TNKS1BP1: variants seen among roughly 807,000 people sequenced by gnomAD.
TNKS1BP1 encodes the protein CCR4-NOT transcription complex subunit 12, also known as 182 kDa tankyrase-1-binding protein.
A neutral mutation model predicts 141.1 loss-of-function variants in TNKS1BP1; 48 were observed. The ratio of observed to expected loss-of-function variants is 0.34; its 90% CI spans 0.27 to 0.43. TNKS1BP1 has a LOEUF of 0.43. Ranked by LOEUF, TNKS1BP1 falls within the 20% of genes least tolerant of loss-of-function variation. TNKS1BP1 has a pLI of 1.00. For synonymous variants in TNKS1BP1, 875 were observed against 898.2 expected (o/e 0.97, Z 0.46); for missense variants, 2,149 against 2,226.0 (o/e 0.97, Z 0.70).
rs1332260157 is a variant in TNKS1BP1, at chr11:57,309,345, A to C, written c.3366T>G (p.Tyr1122Ter). The C allele has an allele frequency of 6.2e-7, 1 of 1,614,042 alleles. No homozygotes were observed. The highest frequency in any genetic ancestry group is 1.1e-5 in the South Asian group (1 of 91,078). Residue 1122 changes from tyrosine to a stop codon, truncating the protein, a stop_gained, in exon 6 of 12, where the codon TAT (tyrosine) becomes TAG (stop). Transcript: ENST00000358252. LOFTEE classifies it high-confidence loss of function. This position sits in a 1 kb window ranked among gnomAD's most constrained non-coding sequence, Gnocchi z 4.3. ...DFCIEASERS[Y>*]QFGIIGNDRV... Reference sequence around the variant, plus strand: ...TGTCGTTGCCAATGATGCCAAACTGATAGCTCCTCTCACTGGCCTCGATGC... The same window carrying C: ...TGTCGTTGCCAATGATGCCAAACTGCTAGCTCCTCTCACTGGCCTCGATGC...
intron 9 of TNKS1BP1, 57 bp from the exon 10 acceptor site, chr11:57,301,098 A>AG: frequency 6.7e-7 from 1 of 1,503,734 alleles, no homozygotes; most frequent in South Asian, 1.3e-5. Flanking sequence ...TAGGACTCTC[A>AG]GGGGGTAAGA....
chr11:57,311,768 G>C (rs572897790), intron 5 of TNKS1BP1, among the ~76,000 whole-genome samples: 1 of 152,370 alleles, frequency 6.6e-6, no homozygotes, highest in African/African-American at 2.4e-5. Flanking sequence ...AGGGCACTGG[G>C]CCGGGAAACG....
chr11:57,308,527 T>A lies in TNKS1BP1; in HGVS notation c.4184A>T (p.Glu1395Val). 6.2e-7 allele frequency: 1 copy of A among 1,614,162 alleles called. No homozygotes were observed. Among genetic ancestry groups the A allele is most frequent in the Non-Finnish European group, 8.5e-7 (1 of 1,180,020 alleles). ...SPGLEARDPL[E>V]ARELGVGETS... ...CTCACCAACCCCCAGCTCCCTGGCC[T>A]CCAAGGGGTCTCTGGCCTCCAGGCC... The change falls in exon 6 of 12, where the codon GAG becomes GTG. Residue 1395 changes from glutamate (E) to valine (V), a missense_variant. Coordinates refer to ENST00000358252, the MANE Select transcript of TNKS1BP1 (RefSeq NM_033396.3).
chr11:57,321,785 T>C lies in TNKS1BP1; in HGVS notation c.94+7A>G, dbSNP rs748326890. On this transcript the variant is annotated splice_region_variant and intron_variant, in intron 2 of 11. Coordinates refer to ENST00000358252, the MANE Select transcript of TNKS1BP1 (RefSeq NM_033396.3). ...GCCACCTGGCTCCACCCTGCACCCA[T>C]TGGTACCTGGCTCAGAGCCAGTAGG... The C allele has an allele frequency of 6.7e-6, 7 of 1,047,384 alleles. No homozygotes were observed. The highest frequency in any genetic ancestry group is 6.7e-5 in the African/African-American group (4 of 59,962). 64.9% of individuals were successfully genotyped at this position (1,047,384 alleles called of 1,614,324 possible). A position where few individuals can be genotyped will look rare whatever the true frequency, so the allele number is the denominator to read the frequency against.
At position 57,311,382 on chromosome 11, in the gene TNKS1BP1, C is replaced by A. The variant is rs938146139; in HGVS notation, c.2155-826G>T. On this transcript the variant is annotated intron_variant, in intron 5 of 11. Transcript: ENST00000358252. ...GGGCCATGGCCCCCCGCCCCCAACC[C>A]GCCTTGGGGCTGCTGGGTGCGGCCA... The A allele has an allele frequency of 1.7e-5, 17 of 985,548 alleles. No individual in the cohort carries two copies. The African/African-American group carries it at 3.0e-4, about 17-fold the overall frequency. The allele number at this position is 985,548 out of a possible 1,614,324, so 61.1% of individuals were successfully genotyped here. A position where few individuals can be genotyped will look rare whatever the true frequency, so the allele number is the denominator to read the frequency against.
At chr11:57,316,651 A>G (rs973826011) in intron 4 of TNKS1BP1, among the ~76,000 whole-genome samples, 7 of 152,166 alleles carry the variant, frequency 4.6e-5, no homozygotes, top group African/African-American at 1.7e-4. Context: ...CCATGCCTTC[A>G]AATTCTATCC....
chr11:57,302,993 A>C lies in TNKS1BP1; in HGVS notation c.4317-168T>G. 2.6e-6 allele frequency: 2 copies of C among 764,084 alleles called. No individual in the cohort carries two copies. Among genetic ancestry groups the C allele is most frequent in the Non-Finnish European group, 3.8e-6 (2 of 520,020 alleles). 47.3% of individuals were successfully genotyped at this position (764,084 alleles called of 1,614,324 possible). ...GTCAGGGCCTTGAGCAACACAGCACACAGGTGAAGAGCTGAGCCAGTCTGG... is the reference window on the plus strand; with the variant it reads ...GTCAGGGCCTTGAGCAACACAGCACCCAGGTGAAGAGCTGAGCCAGTCTGG... On this transcript the variant is annotated intron_variant, in intron 6 of 11. Coordinates refer to ENST00000358252, the MANE Select transcript of TNKS1BP1 (RefSeq NM_033396.3). This position sits in a 1 kb window ranked among gnomAD's most constrained non-coding sequence, Gnocchi z 5.5.
chr11:57,310,276 A>G lies in TNKS1BP1; in HGVS notation c.2435T>C (p.Val812Ala), dbSNP rs1159369062. The G allele has an allele frequency of 1.9e-6, 3 of 1,613,864 alleles. No individual in the cohort carries two copies. The Admixed American group carries it at 5.0e-5, about 27-fold the overall frequency. Reference sequence around the variant, plus strand: ...GGCTGTGAGCACCCCTGGGGCAGACACTTTACTCTGGTCTTGGCTGCTGCT... The same window carrying G: ...GGCTGTGAGCACCCCTGGGGCAGACGCTTTACTCTGGTCTTGGCTGCTGCT... ...EASSSQDQSK[V>A]SAPGVLTAQD... Residue 812 changes from valine (V) to alanine (A), a missense_variant, in exon 6 of 12, where the codon GTG becomes GCG. Coordinates refer to ENST00000358252, the MANE Select transcript of TNKS1BP1 (RefSeq NM_033396.3).
At position 57,310,267 on chromosome 11, in the gene TNKS1BP1, G is replaced by A. The variant is rs763131015; in HGVS notation, c.2444C>T (p.Pro815Leu). 1.2e-6 allele frequency: 2 copies of A among 1,614,042 alleles called. No homozygotes were observed. The highest frequency in any genetic ancestry group is 1.7e-6 in the Non-Finnish European group (2 of 1,180,026). Reference protein sequence around the residue: ...SSQDQSKVSAPGVLTAQDRVV... With the variant: ...SSQDQSKVSALGVLTAQDRVV... ...CCGGTCCTGGGCTGTGAGCACCCCT[G>A]GGGCAGACACTTTACTCTGGTCTTG... Residue 815 changes from proline (P) to leucine (L), a missense_variant, in exon 6 of 12, where the codon CCA (proline) becomes CTA (leucine). Transcript: ENST00000358252.
intron 6 of TNKS1BP1, among the ~76,000 whole-genome samples, chr11:57,305,712 A>C (rs1391618959): frequency 6.6e-6 from 1 of 152,182 alleles, no homozygotes; most frequent in African/African-American, 2.4e-5. Context: ...AACCGGTGCA[A>C]GTCACACTGC....
At position 57,320,312 on chromosome 11, in the gene TNKS1BP1, C is replaced by T. The variant is rs762333905; in HGVS notation, c.495G>A (p.Leu165=). 13 of 1,614,088 alleles carry T rather than the reference C, an allele frequency of 8.1e-6. No individual in the cohort carries two copies. The highest frequency in any genetic ancestry group is 5.9e-6 in the Non-Finnish European group (7 of 1,180,064). The part of the protein sequence containing the change: ...RFAATTVEEI[L]AKMEQPRKEV... ...CCTTCCGAGGCTGCTCCATCTTGGC[C>T]AGGATCTCTTCCACCGTGGTGGCCG... is the stretch of plus-strand genomic sequence containing the variant. The change falls in exon 3 of 12, where the codon CTG becomes CTA. Residue 165 remains leucine (L), a synonymous_variant. Coordinates refer to ENST00000358252, the MANE Select transcript of TNKS1BP1 (RefSeq NM_033396.3).
At chr11:57,322,069 AG>A (rs1855896153) in intron 1 of TNKS1BP1, 119 bp from the exon 2 acceptor site, 5 of 160,804 alleles carry the variant, frequency 3.1e-5, no homozygotes, top group South Asian at 7.1e-5. Context: ...GAGAACTTGG[AG>A]TGGGGGGGGG....
chr11:57,306,920 T>TGGGGG (rs1565039405), intron 6 of TNKS1BP1, among the ~76,000 whole-genome samples: 18 of 31,038 alleles, frequency 5.8e-4, no homozygotes, highest in African/African-American at 1.7e-3. Context: ...GGGGGTTGGG[T>TGGGGG]GGGAGGGGGG....
At position 57,320,403 on chromosome 11, in the gene TNKS1BP1, C is replaced by A. The variant is rs755141871; in HGVS notation, c.404G>T (p.Arg135Leu). 3 of 1,612,180 alleles carry A rather than the reference C, an allele frequency of 1.9e-6. No homozygotes were observed. The highest frequency in any genetic ancestry group is 2.5e-6 in the Non-Finnish European group (3 of 1,178,500). ...CCGTACACCCCCTGGGGCTGCACAT[C>A]GAGCTGGGGGTGTCAAAGGGGGTGG... ...EEPPPLTPPA[R>L]CAAPGGVRKA... is the part of the protein sequence containing the mutation. The change falls in exon 3 of 12, where the codon CGA (arginine) becomes CTA (leucine). Residue 135 changes from arginine to leucine, a missense_variant. Physicochemically the swap from Arg to Leu is moderately radical, Grantham distance 102. Coordinates refer to ENST00000358252, the MANE Select transcript of TNKS1BP1 (RefSeq NM_033396.3).
In TNKS1BP1 at chr11:57,320,501, C is replaced by A. The variant is rs773769196; in HGVS notation, c.306G>T (p.Arg102Ser). 1 of 1,611,032 alleles carries A rather than the reference C, an allele frequency of 6.2e-7. No individual in the cohort carries two copies. Among genetic ancestry groups the A allele is most frequent in the South Asian group, 1.1e-5 (1 of 90,884 alleles). The change falls in exon 3 of 12, where the codon AGG (arginine) becomes AGT (serine). Residue 102 changes from arginine to serine, a missense_variant. Physicochemically the swap from Arg to Ser is moderately radical, Grantham distance 110 (BLOSUM62 -1). Transcript: ENST00000358252. ...GSKRPLPFAP[R>S]PAVEASTGGE... ...CTCCAGTGGAGGCCTCAACCGCAGG[C>A]CTTGGTGCAAAGGGAAGGGGGCGCT...
In TNKS1BP1 at chr11:57,313,442, C is replaced by CGTCACCCTTGGCCTCCTCCTCCCCG; in HGVS notation, c.1221_1245dup (p.Ala416ArgfsTer8). The CGTCACCCTTGGCCTCCTCCTCCCCG allele has an allele frequency of 6.2e-7, 1 of 1,605,942 alleles. No individual in the cohort carries two copies. Among genetic ancestry groups the CGTCACCCTTGGCCTCCTCCTCCCCG allele is most frequent in the Non-Finnish European group, 8.5e-7 (1 of 1,175,422 alleles). ...ACCAGGCTGGTGGGGCGGAGGTGTGCGTCACCCTTGGCCTCCTCCTCCCCG... is the reference window on the plus strand; with the variant it reads ...ACCAGGCTGGTGGGGCGGAGGTGTGCGTCACCCTTGGCCTCCTCCTCCCCGGTCACCCTTGGCCTCCTCCTCCCCG... On this transcript the variant is annotated stop_gained and frameshift_variant, in exon 5 of 12. Coordinates refer to ENST00000358252, the MANE Select transcript of TNKS1BP1 (RefSeq NM_033396.3). LOFTEE classifies it high-confidence loss of function.
chr11:57,324,349 G>T (rs1160312834), intron 1 of TNKS1BP1, among the ~76,000 whole-genome samples: 1 of 152,164 alleles, frequency 6.6e-6, no homozygotes, highest in Admixed American at 6.5e-5. Context: ...AGCCGAAGAG[G>T]AGGAGGAGGA....
At position 57,310,552 on chromosome 11, in the gene TNKS1BP1, A is replaced by G; in HGVS notation, c.2159T>C (p.Leu720Pro). The change falls in exon 6 of 12, where the codon CTC becomes CCC. Residue 720 changes from leucine (L) to proline (P), a missense_variant. Coordinates refer to ENST00000358252, the MANE Select transcript of TNKS1BP1 (RefSeq NM_033396.3). The part of the protein sequence containing the change: ...TQSPSTCSEG[L>P]LGWSQKDLQS... ...CAGATCTTTCTGGGACCAGCCAAGG[A>G]GTCCCTGGGAATAAGAAAAAAAAAC... The G allele has an allele frequency of 6.3e-7, 1 of 1,593,048 alleles. No homozygotes were observed. Among genetic ancestry groups the G allele is most frequent in the Non-Finnish European group, 8.5e-7 (1 of 1,176,428 alleles).
In TNKS1BP1 at chr11:57,302,808, G is replaced by A. The variant is rs1328595081; in HGVS notation, c.4334C>T (p.Ala1445Val). 6.5e-6 allele frequency: 10 copies of A among 1,536,792 alleles called. No homozygotes were observed. The highest frequency in any genetic ancestry group is 7.9e-6 in the Non-Finnish European group (9 of 1,144,918). The part of the protein sequence containing the change: ...SFGASPGRCP[A>V]RPPPSGSQGL... ...CTGGGAGCCGGAGGGTGGGGGGCGG[G>A]CCGGGCACCTGCCAGGGCTGTAAAG... Residue 1445 changes from alanine (A) to valine (V), a missense_variant, in exon 7 of 12, where the codon GCC becomes GTC. Transcript: ENST00000358252. The surrounding 1 kb of genome is among the most constrained non-coding windows in gnomAD (Gnocchi z 5.5).
Sources: gnomAD v4.1 joint callset for allele counts (sites outside exome capture counted in the v4.1 genomes callset) on GRCh38, gnomAD v4.1.1 for gene constraint, Gnocchi (gnomAD v3.1) non-coding constraint, MANE v1.5 for transcripts, NCBI Gene and HGNC (gene_info 2026-07-23, HGNC 2026-07-21) for gene names.